The following QKI variants were observed in gnomAD, a reference collection of about 807,000 sequenced individuals.
The protein encoded by QKI is QKI, KH domain containing RNA binding.
QKI carries 10 observed loss-of-function variants against 39.0 expected under a neutral mutation model. That is an observed-to-expected ratio of 0.26 (90% CI 0.16 to 0.43). The LOEUF is 0.43. Among genes scored for constraint, QKI ranks in the 20% least tolerant of loss-of-function variants. The pLI is 1.00. For synonymous variants in QKI, 204 were observed against 155.4 expected (o/e 1.31, Z -2.33); for missense variants, 218 against 428.0 (o/e 0.51, Z 4.33).
chr6:163,553,908 C>T (rs1352638185), intron 4 of QKI, among the ~76,000 whole-genome samples: 1 of 152,160 alleles, frequency 6.6e-6, no homozygotes, highest in Non-Finnish European at 1.5e-5. Flanking sequence ...CTGACACTTT[C>T]CCTCTACCTT....
At chr6:163,560,224 A>G (rs1428479835) in intron 4 of QKI, among the ~76,000 whole-genome samples, 1 of 152,168 alleles carries the variant, frequency 6.6e-6, no homozygotes, top group Non-Finnish European at 1.5e-5. Flanking sequence ...GATACTCAAC[A>G]GACTGTAATT....
intron 3 of QKI, among the ~76,000 whole-genome samples, chr6:163,482,666 G>A (rs1464849910): frequency 6.6e-6 from 1 of 150,840 alleles, no homozygotes; most frequent in African/African-American, 2.4e-5. Flanking sequence ...AAAGGATACC[G>A]ACGAACAGCA....
At chr6:163,526,949 C>CT (rs1183786908) in intron 3 of QKI, among the ~76,000 whole-genome samples, 5 of 152,094 alleles carry the variant, frequency 3.3e-5, no homozygotes, top group African/African-American at 9.7e-5. Flanking sequence ...AGTACTGTGT[C>CT]TGTAGGAGAT....
chr6:163,467,361 A>AC (rs1349952962), intron 2 of QKI, among the ~76,000 whole-genome samples: 1 of 152,148 alleles, frequency 6.6e-6, no homozygotes, highest in African/African-American at 2.4e-5. Flanking sequence ...CAGCACAGGA[A>AC]CTCATATGTT....
intron 2 of QKI, among the ~76,000 whole-genome samples, chr6:163,468,695 T>C (rs901024650): frequency 1.3e-5 from 2 of 152,202 alleles, no homozygotes; most frequent in African/African-American, 4.8e-5. Flanking sequence ...GAATATCTTT[T>C]TTTCCCCTTT....
At chr6:163,468,827 A>G (rs1300397099) in intron 2 of QKI, among the ~76,000 whole-genome samples, 1 of 152,228 alleles carries the variant, frequency 6.6e-6, no homozygotes, top group African/African-American at 2.4e-5. Flanking sequence ...GTGATAAATC[A>G]ACACAGAATG....
chr6:163,512,026 C>T (rs980877484), intron 3 of QKI, among the ~76,000 whole-genome samples: 1 of 151,852 alleles, frequency 6.6e-6, no homozygotes, highest in Non-Finnish European at 1.5e-5. Context: ...TTTGAGAATG[C>T]AAGTTTAGTT....
chr6:163,428,961 A>C (rs1460219849), intron 1 of QKI: 3 of 152,186 alleles, frequency 2.0e-5, no homozygotes, highest in Non-Finnish European at 4.4e-5. Flanking sequence ...TATTCCTAAA[A>C]TGTAGAGAAT....
chr6:163,459,736 T>G (rs1395093110), intron 2 of QKI, among the ~76,000 whole-genome samples: 3 of 152,204 alleles, frequency 2.0e-5, no homozygotes, highest in Non-Finnish European at 2.9e-5. Flanking sequence ...TTTTTGTGAT[T>G]ACACATAAGA....
At chr6:163,418,301 G>C (rs1787705211) in intron 1 of QKI, among the ~76,000 whole-genome samples, 1 of 151,928 alleles carries the variant, frequency 6.6e-6, no homozygotes, top group Non-Finnish European at 1.5e-5. Context: ...TTAAAAATAT[G>C]CTTGTCAGCC....
intron 4 of QKI, among the ~76,000 whole-genome samples, chr6:163,553,537 G>GT (rs544825900): frequency 6.4e-4 from 94 of 147,812 alleles, no homozygotes; most frequent in African/African-American, 1.9e-3. Flanking sequence ...CTTTGGAGGT[G>GT]TTTTTTTTTT....
intron 7 of QKI, chr6:163,570,065 G>GT: frequency 1.0e-6 from 1 of 986,184 alleles, no homozygotes; most frequent in Non-Finnish European, 1.2e-6. Flanking sequence ...GTATCGCTTT[G>GT]TATCATGAGG....
At chr6:163,479,294 C>G (rs1052154741) in intron 3 of QKI, among the ~76,000 whole-genome samples, 2 of 152,162 alleles carry the variant, frequency 1.3e-5, no homozygotes, top group Non-Finnish European at 2.9e-5. Flanking sequence ...AACGAACAAA[C>G]AAACCCACTA....
intron 2 of QKI, among the ~76,000 whole-genome samples, chr6:163,478,157 T>A (rs1266525604): frequency 6.6e-6 from 1 of 152,172 alleles, no homozygotes; most frequent in Non-Finnish European, 1.5e-5. Context: ...TGTACAGTTT[T>A]TAATTTATAC....
intron 1 of QKI, among the ~76,000 whole-genome samples, chr6:163,437,246 TA>T (rs1254346418): frequency 6.6e-6 from 1 of 152,200 alleles, no homozygotes; most frequent in African/African-American, 2.4e-5. Context: ...GAAGCTAGAA[TA>T]AGGTATATAC....
chr6:163,499,865 G>A (rs1008180610), intron 3 of QKI, among the ~76,000 whole-genome samples: 10 of 152,092 alleles, frequency 6.6e-5, no homozygotes, highest in Admixed American at 3.3e-4. Flanking sequence ...ACAATTAAAC[G>A]AACAAAGGTA....
chr6:163,444,487 C>T (rs1290094476), intron 1 of QKI, among the ~76,000 whole-genome samples: 1 of 152,136 alleles, frequency 6.6e-6, no homozygotes, highest in Non-Finnish European at 1.5e-5. Context: ...TAATCTTTCT[C>T]CACCTTCTTT....
intron 2 of QKI, among the ~76,000 whole-genome samples, chr6:163,465,741 A>T (rs1791692019): frequency 6.6e-6 from 1 of 152,170 alleles, no homozygotes; most frequent in South Asian, 2.1e-4. Flanking sequence ...TCATCAAGAA[A>T]TCTGTTCACT....
At chr6:163,426,355 C>T (rs1788405475) in intron 1 of QKI, among the ~76,000 whole-genome samples, 2 of 151,842 alleles carry the variant, frequency 1.3e-5, no homozygotes, top group Non-Finnish European at 2.9e-5. Flanking sequence ...TCAAGAATAG[C>T]ATCTTCCACT....
Sources: gnomAD v4.1 joint callset for allele counts (sites outside exome capture counted in the v4.1 genomes callset) on GRCh38, gnomAD v4.1.1 for gene constraint, MANE v1.5 for transcripts, NCBI Gene and HGNC (gene_info 2026-07-23, HGNC 2026-07-21) for gene names.